The following CORO1C variants were observed in gnomAD, a reference collection of about 807,000 sequenced individuals.
CORO1C encodes the protein coronin-1C.
Under a neutral mutation model 51.2 loss-of-function variants are expected in CORO1C, and 14 were observed. The ratio of observed to expected loss-of-function variants is 0.27; its 90% confidence interval spans 0.18 to 0.43. The LOEUF is 0.43. Among genes scored for constraint, CORO1C ranks in the 20% least tolerant of loss-of-function variants. The pLI is 1.00. For missense variants in CORO1C, 417 were observed against 607.8 expected (o/e 0.69, Z 3.30); for synonymous variants, 181 against 210.5 (o/e 0.86, Z 1.21).
In CORO1C at chr12:108,669,182, G is replaced by A. The variant is rs144253059; in HGVS notation, c.319-7024C>T. Among the ~76,000 whole-genome samples, 107 of 152,292 alleles carry A rather than the reference G, an allele frequency of 7.0e-4. 1 individual carries two copies. The East Asian group carries it at 0.019, about 27-fold the overall frequency. On this transcript the variant is annotated intron_variant, in intron 3 of 10. Transcript: ENST00000261401. ...CCTCTCCTAAAACTGCAAAGTAGCT[G>A]TCACTAAATCAATGCCCACAAAATT... is the stretch of plus-strand genomic sequence containing the variant.
intron 1 of CORO1C, among the ~76,000 whole-genome samples, chr12:108,718,146 G>T (rs537334730): frequency 1.3e-5 from 2 of 152,196 alleles, no homozygotes; most frequent in Non-Finnish European, 2.9e-5. Context: ...AAGGTCAGGA[G>T]ATTGAGACCA....
intron 3 of CORO1C, among the ~76,000 whole-genome samples, chr12:108,676,047 A>G (rs138711508): frequency 6.6e-6 from 1 of 152,238 alleles, no homozygotes. Flanking sequence ...GAATCTTTAG[A>G]TTAAGACTTA....
At position 108,716,020 on chromosome 12, in the gene CORO1C, A is replaced by G. The variant is rs577184255; in HGVS notation, c.-5-14697T>C. On this transcript the variant is annotated intron_variant, in intron 1 of 10. Transcript: ENST00000261401. Reference sequence around the variant, plus strand: ...GTGGCACGCGCCTGTAATCCCAGCTACTCGGGAGGCTGAGGCAGGAGAATC... The same window carrying G: ...GTGGCACGCGCCTGTAATCCCAGCTGCTCGGGAGGCTGAGGCAGGAGAATC... Among the ~76,000 whole-genome samples the G allele has an allele frequency of 5.4e-5, 8 of 148,680 alleles. No homozygotes were observed. In the East Asian group the frequency reaches 1.6e-3, roughly 30 times the overall value.
chr12:108,698,767 G>T (rs981145645), intron 2 of CORO1C, among the ~76,000 whole-genome samples: 1 of 152,206 alleles, frequency 6.6e-6, no homozygotes, highest in African/African-American at 2.4e-5. Context: ...GGAGCGGAAG[G>T]ATAAAGAGAC....
chr12:108,683,905 A>AT (rs201128993), intron 2 of CORO1C, among the ~76,000 whole-genome samples: 4,205 of 152,320 alleles, frequency 0.028, 87 homozygotes, highest in Middle Eastern at 0.088. Context: ...CATATAAGGA[A>AT]TGTAACACCT....
intron 4 of CORO1C, 87 bp downstream of exon 4, chr12:108,661,942 C>A: frequency 6.7e-7 from 1 of 1,493,622 alleles, no homozygotes; most frequent in Non-Finnish European, 9.3e-7. Flanking sequence ...AACCATATAG[C>A]ACACAACCAA....
At chr12:108,675,707 A>C (rs928869698) in intron 3 of CORO1C, among the ~76,000 whole-genome samples, 1 of 152,256 alleles carries the variant, frequency 6.6e-6, no homozygotes, top group Non-Finnish European at 1.5e-5. Flanking sequence ...ATTTACTGTC[A>C]CCATATTGCA....
chr12:108,659,952 C>A (rs1246736462), intron 4 of CORO1C, among the ~76,000 whole-genome samples: 2 of 152,248 alleles, frequency 1.3e-5, no homozygotes, highest in Admixed American at 1.3e-4. Flanking sequence ...CTCACCAACT[C>A]CTTCCTTCCT....
intron 1 of CORO1C, among the ~76,000 whole-genome samples, chr12:108,717,170 G>C (rs1313783201): frequency 6.6e-6 from 1 of 152,216 alleles, no homozygotes; most frequent in Non-Finnish European, 1.5e-5. Context: ...TGGGCAATAA[G>C]AGAAGAAAAG....
In CORO1C at chr12:108,701,337, G is replaced by A; in HGVS notation, c.-5-14C>T. 2 of 1,614,172 alleles carry A rather than the reference G, an allele frequency of 1.2e-6. No homozygotes were observed. The highest frequency in any genetic ancestry group is 1.7e-6 in the Non-Finnish European group (2 of 1,180,010). ...GCCTCATCGTGTCTGCAAAGGAAGA[G>A]TGAGAATTATGTTAGAATTATGCAC... On this transcript the variant is annotated splice_polypyrimidine_tract_variant and intron_variant, in intron 1 of 10. Transcript: ENST00000261401.
chr12:108,714,887 G>A (rs547929566), intron 1 of CORO1C, among the ~76,000 whole-genome samples: 2 of 152,152 alleles, frequency 1.3e-5, no homozygotes. Context: ...TTCTTACAAA[G>A]AGACTTGGTT....
At chr12:108,656,277 C>T (rs1305348150) in intron 6 of CORO1C, among the ~76,000 whole-genome samples, 1 of 148,590 alleles carries the variant, frequency 6.7e-6, no homozygotes, top group Non-Finnish European at 1.5e-5. Context: ...CCACCCCGTC[C>T]GGGAGGGAGG....
chr12:108,721,270 T>A (rs2035467110), intron 1 of CORO1C, among the ~76,000 whole-genome samples: 2 of 152,226 alleles, frequency 1.3e-5, no homozygotes, highest in South Asian at 4.1e-4. Context: ...TCACTTTCCA[T>A]AATCAGGGCC....
intron 4 of CORO1C, among the ~76,000 whole-genome samples, chr12:108,659,329 C>T (rs1033859041): frequency 2.0e-5 from 3 of 152,164 alleles, no homozygotes; most frequent in African/African-American, 7.2e-5. Context: ...GGTGTTGCTG[C>T]CAGCTTTGGG....
At chr12:108,715,396 TA>T (rs1279209281) in intron 1 of CORO1C, among the ~76,000 whole-genome samples, 1 of 152,148 alleles carries the variant, frequency 6.6e-6, no homozygotes, top group African/African-American at 2.4e-5. Flanking sequence ...AATGTGAGAA[TA>T]TATAAGGACT....
At chr12:108,652,527 T>C in intron 7 of CORO1C, 110 bp from the exon 8 acceptor site, 1 of 789,746 alleles carries the variant, frequency 1.3e-6, no homozygotes, top group East Asian at 2.5e-5. Context: ...CCCGCTTCAG[T>C]AGCTGACCTT....
intron 1 of CORO1C, among the ~76,000 whole-genome samples, chr12:108,708,012 C>G (rs1416454162): frequency 6.6e-6 from 1 of 152,122 alleles, no homozygotes; most frequent in African/African-American, 2.4e-5. Context: ...CAAATCAGAA[C>G]CCTCATACAC....
intron 2 of CORO1C, among the ~76,000 whole-genome samples, chr12:108,680,088 C>T (rs1212081640): frequency 1.3e-5 from 2 of 152,174 alleles, no homozygotes; most frequent in East Asian, 3.8e-4. Context: ...CTTTTATGGA[C>T]CAGACATTGT....
chr12:108,706,883 C>T (rs1193502826), intron 1 of CORO1C, among the ~76,000 whole-genome samples: 4 of 152,018 alleles, frequency 2.6e-5, no homozygotes, highest in African/African-American at 4.8e-5. Flanking sequence ...CATGCCTAGC[C>T]GTATTTTTAT....
Sources: gnomAD v4.1 joint callset for allele counts (sites outside exome capture counted in the v4.1 genomes callset) on GRCh38, gnomAD v4.1.1 for gene constraint, MANE v1.5 for transcripts, NCBI Gene and HGNC (gene_info 2026-07-23, HGNC 2026-07-21) for gene names.